The following SLC66A1 variants were observed in gnomAD, a reference collection of about 807,000 sequenced individuals.
The protein encoded by SLC66A1 is solute carrier family 66 member 1, also known as lysosomal amino acid transporter 1 homolog.
SLC66A1 carries 23 observed loss-of-function variants against 33.0 expected under a neutral mutation model. The observed-to-expected ratio is 0.70, with a 90% CI of 0.50 to 0.99. SLC66A1 has a LOEUF of 0.99. Among genes scored for constraint, SLC66A1 ranks in the 50% least tolerant of loss-of-function variants. The probability of loss-of-function intolerance (pLI) is 0.00; values close to 1 mark genes in which losing one functional copy is unlikely to be tolerated. For missense variants in SLC66A1, 335 were observed against 383.6 expected (o/e 0.87, Z 1.06); for synonymous variants, 164 against 175.5 (o/e 0.93, Z 0.52).
chr1:19,331,606 A>ATAAGT (rs1558157894), downstream of SLC66A1, among the ~76,000 whole-genome samples: 1 of 152,176 alleles, frequency 6.6e-6, no homozygotes, highest in African/African-American at 2.4e-5. Flanking sequence ...AGATTTCAGG[A>ATAAGT]TAAGTTACCC....
intron 1 of SLC66A1, chr1:19,313,182 A>G (rs1158051218): frequency 6.3e-5 from 62 of 985,272 alleles, no homozygotes; most frequent in Middle Eastern, 5.2e-4. Flanking sequence ...ACGAAGCTCA[A>G]TCACTTGAGT....
In SLC66A1 at chr1:19,328,451, C is replaced by A; in HGVS notation, c.805-121C>A. ...GCTGGGAGGTTATGGCTGGCCCTTCCCACCTGCAGCGTGGGGGTGGGAGGG... is the reference window on the plus strand; with the variant it reads ...GCTGGGAGGTTATGGCTGGCCCTTCACACCTGCAGCGTGGGGGTGGGAGGG... On this transcript the variant is annotated intron_variant, in intron 7 of 7. Coordinates refer to ENST00000375153, the MANE Select transcript of SLC66A1 (RefSeq NM_001040125.2). This position sits in a 1 kb window ranked among gnomAD's most constrained non-coding sequence, Gnocchi z 4.7. The A allele has an allele frequency of 1.1e-6, 1 of 913,166 alleles. No individual in the cohort carries two copies. The highest frequency in any genetic ancestry group is 1.7e-6 in the Non-Finnish European group (1 of 580,164). The allele number at this position is 913,166 out of a possible 1,614,324, so 56.6% of individuals were successfully genotyped here.
At chr1:19,319,179 G>A (rs4912069) in intron 2 of SLC66A1, among the ~76,000 whole-genome samples, 41,764 of 152,176 alleles carry the variant, frequency 0.27, 5,823 homozygotes, top group Middle Eastern at 0.35. Flanking sequence ...TCAGTGTACA[G>A]TCATTGGTTT....
At chr1:19,332,598 C>T (rs748828109), downstream of SLC66A1, among the ~76,000 whole-genome samples, 14 of 152,118 alleles carry the variant, frequency 9.2e-5, no homozygotes, top group Non-Finnish European at 1.6e-4. Context: ...AGCAAGACCC[C>T]ATCTCTACAA....
intron 6 of SLC66A1, 37 bp downstream of exon 6, chr1:19,326,660 A>G (rs760380223): frequency 6.2e-7 from 1 of 1,604,966 alleles, no homozygotes; most frequent in South Asian, 1.1e-5. Flanking sequence ...GGCCGAGTAG[A>G]GGAGAGCTGG....
chr1:19,320,568 C>T (rs1253383049), intron 2 of SLC66A1, among the ~76,000 whole-genome samples: 1 of 151,854 alleles, frequency 6.6e-6, no homozygotes, highest in Non-Finnish European at 1.5e-5. Flanking sequence ...CACCTGCCAC[C>T]ACGCCTGGCT....
intron 1 of SLC66A1, 186 bp downstream of exon 1, chr1:19,313,075 A>G: frequency 5.2e-6 from 2 of 381,794 alleles, no homozygotes; most frequent in Non-Finnish European, 7.2e-6. Flanking sequence ...AGTGCCAGGC[A>G]CCCTTGTAAT....
At position 19,328,824 on chromosome 1, in the gene SLC66A1, G is replaced by A. The variant is rs779105014; in HGVS notation, c.*181G>A. 2.1e-4 allele frequency: 142 copies of A among 677,286 alleles called. No homozygotes were observed. Among genetic ancestry groups the A allele is most frequent in the Non-Finnish European group, 3.1e-4 (124 of 404,466 alleles). The allele number at this position is 677,286 out of a possible 1,614,324, so 42.0% of individuals were successfully genotyped here. A position where few individuals can be genotyped will look rare whatever the true frequency, so the allele number is the denominator to read the frequency against. Reference sequence around the variant, plus strand: ...AGGTAGACCCCGAAGCCTCAAGGCCGGGGCTGGAGCGGAGACCCCAGGGCC... The same window carrying A: ...AGGTAGACCCCGAAGCCTCAAGGCCAGGGCTGGAGCGGAGACCCCAGGGCC... On this transcript the variant is annotated 3_prime_UTR_variant, in exon 8 of 8. Transcript: ENST00000375153. This position sits in a 1 kb window ranked among gnomAD's most constrained non-coding sequence, Gnocchi z 4.7.
rs1485988589 is a variant in SLC66A1, at chr1:19,327,258, A to C, written c.650A>C (p.Tyr217Ser). The C allele has an allele frequency of 6.2e-7, 1 of 1,613,402 alleles. No individual in the cohort carries two copies. Among genetic ancestry groups the C allele is most frequent in the East Asian group, 2.2e-5 (1 of 44,832 alleles). The change falls in exon 7 of 8, where the codon TAC becomes TCC. Residue 217 changes from tyrosine to serine, a missense_variant. Coordinates refer to ENST00000375153, the MANE Select transcript of SLC66A1 (RefSeq NM_001040125.2). The stretch of plus-strand genomic sequence containing the variant: ...CGGAAGTCCACCCAGGGGATCTCCT[A>C]CTCTCTGTTCGCGCTGGTGATGCTG... ...FLRKSTQGIS[Y>S]SLFALVMLGN...
At chr1:19,325,239 C>T (rs1189382692) in intron 3 of SLC66A1, among the ~76,000 whole-genome samples, 2 of 152,206 alleles carry the variant, frequency 1.3e-5, no homozygotes, top group Non-Finnish European at 2.9e-5. Flanking sequence ...CCCACTTTGT[C>T]CTGACTGCTA....
intron 2 of SLC66A1, among the ~76,000 whole-genome samples, chr1:19,319,431 C>T (rs1335611810): frequency 3.5e-4 from 53 of 152,144 alleles, no homozygotes; most frequent in Non-Finnish European, 1.5e-4. Context: ...AACATAATGT[C>T]TTCAAGATTC....
At chr1:19,319,610 T>TG (rs2152002663) in intron 2 of SLC66A1, among the ~76,000 whole-genome samples, 1 of 148,230 alleles carries the variant, frequency 6.7e-6, no homozygotes, top group South Asian at 2.2e-4. Flanking sequence ...TTCATGTTTT[T>TG]TTTTTTTTTT....
At position 19,328,425 on chromosome 1, in the gene SLC66A1, G is replaced by A. The variant is rs1456479234; in HGVS notation, c.805-147G>A. The A allele has an allele frequency of 1.1e-5, 8 of 732,848 alleles. No homozygotes were observed. The highest frequency in any genetic ancestry group is 3.5e-5 in the African/African-American group (2 of 57,890). The allele number at this position is 732,848 out of a possible 1,614,324, so 45.4% of individuals were successfully genotyped here. A position where few individuals can be genotyped will look rare whatever the true frequency, so the allele number is the denominator to read the frequency against. On this transcript the variant is annotated intron_variant, in intron 7 of 7. Coordinates refer to ENST00000375153, the MANE Select transcript of SLC66A1 (RefSeq NM_001040125.2). The surrounding 1 kb of genome is among the most constrained non-coding windows in gnomAD (Gnocchi z 4.7). ...GAGTGGAGGGCACAGCTAAGGTAGC[G>A]GCTGGGAGGTTATGGCTGGCCCTTC...
downstream of SLC66A1, among the ~76,000 whole-genome samples, chr1:19,329,706 TA>T (rs2093887304): frequency 6.6e-6 from 1 of 152,218 alleles, no homozygotes; most frequent in Non-Finnish European, 1.5e-5. Flanking sequence ...TTATGGAGTT[TA>T]GCCCCAGATC....
chr1:19,322,604 G>T (rs2093843302), intron 2 of SLC66A1, among the ~76,000 whole-genome samples: 1 of 152,238 alleles, frequency 6.6e-6, no homozygotes, highest in South Asian at 2.1e-4. Context: ...TTTCAAAGGA[G>T]GAAGGAGAAG....
downstream of SLC66A1, among the ~76,000 whole-genome samples, chr1:19,333,248 C>A (rs960083792): frequency 1.3e-5 from 2 of 152,154 alleles, no homozygotes; most frequent in Non-Finnish European, 2.9e-5. The surrounding 1 kb of genome is among the most constrained non-coding windows in gnomAD (Gnocchi z 4.2). Context: ...CACTCCGTCA[C>A]CCAGGCTGGA....
chr1:19,313,324 T>TG, intron 1 of SLC66A1: 1 of 835,530 alleles, frequency 1.2e-6, no homozygotes, highest in Non-Finnish European at 1.4e-6. Context: ...CCCTTTCTCC[T>TG]TTCTCACCCG....
At chr1:19,327,681 A>G in intron 7 of SLC66A1, 1 of 657,312 alleles carries the variant, frequency 1.5e-6, no homozygotes. Context: ...CGCAGAGAGG[A>G]CACAACGCTA....
rs201929770 is a variant in SLC66A1 at position 19,325,636 on chromosome 1, T to TGGG, written c.382+55_382+56insGGG. The TGGG allele has an allele frequency of 2.3e-3, 877 of 374,916 alleles. 26 individuals carry two copies. Among genetic ancestry groups the TGGG allele is most frequent in the Non-Finnish European group, 3.4e-3 (707 of 205,714 alleles). The allele number at this position is 374,916 out of a possible 1,614,324, so 23.2% of individuals were successfully genotyped here. A position where few individuals can be genotyped will look rare whatever the true frequency, so the allele number is the denominator to read the frequency against. ...TGCTCTACCAGCAGCAGGGGGCAGT[T>TGGG]GTGGGGGGGGGCGCCTGGAGTGTGG... is the stretch of plus-strand genomic sequence containing the variant. On this transcript the variant is annotated intron_variant, in intron 4 of 7. Transcript: ENST00000375153.
Sources: gnomAD v4.1 joint callset for allele counts (sites outside exome capture counted in the v4.1 genomes callset) on GRCh38, gnomAD v4.1.1 for gene constraint, Gnocchi (gnomAD v3.1) non-coding constraint, MANE v1.5 for transcripts, NCBI Gene and HGNC (gene_info 2026-07-23, HGNC 2026-07-21) for gene names.